ZNF469: variants seen among roughly 807,000 people sequenced by gnomAD.
The protein encoded by ZNF469 is zinc finger protein 469.
Under a neutral mutation model 1.0 loss-of-function variants are expected in ZNF469, and 1 was observed. The observed-to-expected ratio is 1.00, with a 90% CI of 0.35 to 4.73. The LOEUF (loss-of-function observed/expected upper bound fraction) is 4.73. ZNF469 is among the 30% of genes most tolerant of loss of function. The probability of loss-of-function intolerance (pLI) is 0.16; values close to 1 mark genes in which losing one functional copy is unlikely to be tolerated. For missense variants in ZNF469, 6,100 were observed against 5,356.3 expected, an observed-to-expected ratio of 1.14 and a Z score of -4.33; for synonymous variants, 2,703 against 2,363.4, an observed-to-expected ratio of 1.14 and a Z score of -4.17.
intron 1 of ZNF469, among the ~76,000 whole-genome samples, chr16:88,419,304 C>T (rs372521673): frequency 2.3e-4 from 35 of 152,258 alleles, no homozygotes; most frequent in African/African-American, 8.2e-4. Flanking sequence ...AGCCAGAGGC[C>T]GGAGGGAACC....
chr16:88,318,682 A>G, the ZNF469 span, among the ~76,000 whole-genome samples: 1 of 150,814 alleles, frequency 6.6e-6, no homozygotes, highest in East Asian at 1.9e-4. Flanking sequence ...GGGAGAGGAC[A>G]GAGCTCAGCC....
the ZNF469 span, among the ~76,000 whole-genome samples, chr16:88,107,979 C>T: frequency 5.6e-4 from 85 of 152,346 alleles, 1 homozygote; most frequent in South Asian, 4.1e-3. Context: ...GTCTCGCTGA[C>T]CCCAGAGTCA....
At chr16:88,399,533 G>A (rs1749129634) in intron 1 of ZNF469, among the ~76,000 whole-genome samples, 1 of 152,220 alleles carries the variant, frequency 6.6e-6, no homozygotes, top group Non-Finnish European at 1.5e-5. Flanking sequence ...GGGGCAGACA[G>A]AGCCACCTTC....
chr16:88,258,959 T>G, the ZNF469 span, among the ~76,000 whole-genome samples: 20 of 152,202 alleles, frequency 1.3e-4, no homozygotes, highest in Admixed American at 1.3e-3. Flanking sequence ...GGTAGAGATT[T>G]GAGCTGAGAA....
At chr16:88,153,160 T>C in the ZNF469 span, among the ~76,000 whole-genome samples, 1 of 152,186 alleles carries the variant, frequency 6.6e-6, no homozygotes, top group Non-Finnish European at 1.5e-5. Flanking sequence ...GGGTATCCCA[T>C]TTCCAGCCCA....
chr16:88,287,336 G>A, the ZNF469 span, among the ~76,000 whole-genome samples: 1 of 152,246 alleles, frequency 6.6e-6, no homozygotes, highest in African/African-American at 2.4e-5. Context: ...GTCTCCTGAT[G>A]TGTGGCACAA....
At chr16:88,259,173 G>A in the ZNF469 span, among the ~76,000 whole-genome samples, 10 of 152,328 alleles carry the variant, frequency 6.6e-5, no homozygotes, top group South Asian at 1.7e-3. This position sits in a 1 kb window ranked among gnomAD's most constrained non-coding sequence, Gnocchi z 4.1. Flanking sequence ...GAATGAGGCC[G>A]TGCGGCCAGG....
the ZNF469 span, among the ~76,000 whole-genome samples, chr16:88,132,410 G>A: frequency 6.6e-6 from 1 of 152,220 alleles, no homozygotes. Flanking sequence ...AGCCCACCCA[G>A]AGCGCCGCGT....
At chr16:88,263,682 G>A in the ZNF469 span, among the ~76,000 whole-genome samples, 7 of 152,070 alleles carry the variant, frequency 4.6e-5, no homozygotes, top group South Asian at 8.3e-4. Context: ...GTCCAGAGTC[G>A]CCAGAGGACC....
the ZNF469 span, among the ~76,000 whole-genome samples, chr16:88,223,149 C>A: frequency 6.6e-6 from 1 of 152,216 alleles, no homozygotes; most frequent in South Asian, 2.1e-4. Context: ...CCACCCAAAT[C>A]TCACCTTGAA....
chr16:88,386,857 G>C (rs1227658847), intron 1 of ZNF469, among the ~76,000 whole-genome samples: 1 of 151,096 alleles, frequency 6.6e-6, no homozygotes, highest in Non-Finnish European at 1.5e-5. Context: ...AAGTAGCCTT[G>C]AGGTGGCTCA....
chr16:88,166,772 A>AACACACACAC, the ZNF469 span, among the ~76,000 whole-genome samples: 19,963 of 145,712 alleles, frequency 0.14, 1,385 homozygotes, highest in Middle Eastern at 0.21. The surrounding 1 kb of genome is among the most constrained non-coding windows in gnomAD (Gnocchi z 4.5). Context: ...CAGAATCATA[A>AACACACACAC]ACACACACAC....
At chr16:88,151,921 A>G in the ZNF469 span, among the ~76,000 whole-genome samples, 1 of 152,234 alleles carries the variant, frequency 6.6e-6, no homozygotes, top group South Asian at 2.1e-4. This position sits in a 1 kb window ranked among gnomAD's most constrained non-coding sequence, Gnocchi z 5.4. Context: ...AACTCAGAAA[A>G]CCCTTTTCTG....
chr16:88,103,855 G>A, the ZNF469 span, among the ~76,000 whole-genome samples: 1 of 150,834 alleles, frequency 6.6e-6, no homozygotes, highest in Non-Finnish European at 1.5e-5. Flanking sequence ...TGGCACGGAG[G>A]GGGTGGAATG....
At chr16:88,229,560 G>GTGCT in the ZNF469 span, among the ~76,000 whole-genome samples, 395 of 135,562 alleles carry the variant, frequency 2.9e-3, 6 homozygotes, top group East Asian at 0.049. Context: ...TCACACGTGT[G>GTGCT]GATGTCACGC....
chr16:88,101,155 G>A, the ZNF469 span, among the ~76,000 whole-genome samples: 2 of 152,256 alleles, frequency 1.3e-5, no homozygotes, highest in East Asian at 1.9e-4. Flanking sequence ...GATTCGATGC[G>A]ATTGGGCCAT....
chr16:88,245,578 C>T, the ZNF469 span, among the ~76,000 whole-genome samples: 1 of 152,372 alleles, frequency 6.6e-6, no homozygotes, highest in Non-Finnish European at 1.5e-5. Flanking sequence ...TGAGCTTTCC[C>T]AGATGAGTCA....
At chr16:88,358,093 T>C in the ZNF469 span, among the ~76,000 whole-genome samples, 1 of 152,166 alleles carries the variant, frequency 6.6e-6, no homozygotes, top group Admixed American at 6.5e-5. Flanking sequence ...AGGGCAAGCT[T>C]CGCTTCAGTG....
the ZNF469 span, among the ~76,000 whole-genome samples, chr16:88,366,664 A>T: frequency 6.7e-5 from 10 of 149,202 alleles, no homozygotes; most frequent in Admixed American, 6.7e-4. Context: ...CATCACCATC[A>T]TTATCGTCAC....
Sources: allele counts gnomAD v4.1 joint callset (sites outside exome capture counted in the v4.1 genomes callset), GRCh38; gene constraint gnomAD v4.1.1; non-coding constraint Gnocchi (gnomAD v3.1); transcripts MANE v1.5; gene names NCBI Gene and HGNC (gene_info 2026-07-23, HGNC 2026-07-21).